Variants in DCC observed in about 807,000 individuals in gnomAD.
The protein encoded by DCC is DCC netrin 1 receptor, also known as netrin receptor DCC.
In DCC, 58 loss-of-function variants were observed where a neutral mutation model predicts 172.5. The ratio of observed to expected loss-of-function variants is 0.34; its 90% CI spans 0.27 to 0.42. DCC has a LOEUF of 0.42. Ranked by LOEUF, DCC falls within the 10% of genes least tolerant of loss-of-function variation. The pLI, the probability that DCC is intolerant of heterozygous loss-of-function variation, is 1.00. For synonymous variants in DCC, 709 were observed against 644.5 expected (o/e 1.10, Z -1.52); for missense variants, 1,740 against 1,791.0 (o/e 0.97, Z 0.51).
chr18:52,661,640 C>T (rs1168053278), intron 1 of DCC, among the ~76,000 whole-genome samples: 4 of 152,164 alleles, frequency 2.6e-5, no homozygotes, highest in Non-Finnish European at 4.4e-5. Flanking sequence ...AGAGGGAAAC[C>T]CAGCCCCACT....
At chr18:52,647,470 G>A (rs936007107) in intron 1 of DCC, among the ~76,000 whole-genome samples, 1 of 152,172 alleles carries the variant, frequency 6.6e-6, no homozygotes, top group African/African-American at 2.4e-5. Context: ...GCAAGTTCAG[G>A]TTTTGCAGGC....
intron 5 of DCC, among the ~76,000 whole-genome samples, chr18:52,940,597 C>T (rs1238688596): frequency 1.3e-5 from 2 of 152,004 alleles, no homozygotes; most frequent in Non-Finnish European, 2.9e-5. Flanking sequence ...GCTGGGGAGA[C>T]AAGAATATTT....
chr18:52,831,206 A>AAG (rs773468558), intron 2 of DCC, among the ~76,000 whole-genome samples: 2 of 152,174 alleles, frequency 1.3e-5, no homozygotes, highest in Non-Finnish European at 2.9e-5. Flanking sequence ...AAAGCATAGC[A>AAG]AGATGATCAG....
chr18:53,350,535 T>C lies in DCC; in HGVS notation c.2359+10628T>C, dbSNP rs151174216. Among the ~76,000 whole-genome samples, 268 of 152,230 alleles carry C rather than the reference T, an allele frequency of 1.8e-3. 1 individual carries two copies. The highest frequency in any genetic ancestry group is 6.0e-3 in the African/African-American group (250 of 41,554). The stretch of plus-strand genomic sequence containing the variant: ...AAAAGTAAATAAATATGGAATTAAG[T>C]GGAACTCTTAATCTGAGTGTAGATC... On this transcript the variant is annotated intron_variant, in intron 15 of 28. Transcript: ENST00000442544.
chr18:52,844,864 T>C (rs2038860768), intron 2 of DCC, among the ~76,000 whole-genome samples: 1 of 152,180 alleles, frequency 6.6e-6, no homozygotes, highest in African/African-American at 2.4e-5. Context: ...ATCAAAAGTC[T>C]CTGGACAAGA....
chr18:53,139,508 TTTG>T (rs1183865027), intron 7 of DCC, among the ~76,000 whole-genome samples: 1 of 152,320 alleles, frequency 6.6e-6, no homozygotes, highest in African/African-American at 2.4e-5. Context: ...GATTTTTTTC[TTTG>T]TTGTTGTTGT....
chr18:52,532,584 C>T (rs913396993), intron 1 of DCC, among the ~76,000 whole-genome samples: 19 of 152,242 alleles, frequency 1.2e-4, no homozygotes, highest in South Asian at 1.0e-3. Flanking sequence ...AGCTGAGAAA[C>T]GTGCATCACC....
At chr18:53,461,314 T>C (rs2045556941) in intron 24 of DCC, among the ~76,000 whole-genome samples, 1 of 151,730 alleles carries the variant, frequency 6.6e-6, no homozygotes, top group African/African-American at 2.4e-5. Flanking sequence ...TTTTGTCTTT[T>C]GTTGCCATTG....
chr18:52,798,102 C>G (rs2037912704), intron 2 of DCC, among the ~76,000 whole-genome samples: 1 of 138,440 alleles, frequency 7.2e-6, no homozygotes, highest in South Asian at 2.8e-4. Flanking sequence ...GCAGCTTCTT[C>G]CTCTGGTACC....
intron 5 of DCC, among the ~76,000 whole-genome samples, chr18:52,938,455 T>G (rs143017552): frequency 4.6e-5 from 7 of 152,122 alleles, no homozygotes. Flanking sequence ...TCTAGAAATA[T>G]ACACTATTAT....
Position 53,257,266 on chromosome 18 carries a change from A to G in DCC, c.1911+41669A>G, listed in dbSNP as rs530803136. ...AACACTATGTTGAATAGGAGTGGTG[A>G]GAGAGGGCATCCGTGTCTTGTGCCA... On this transcript the variant is annotated intron_variant, in intron 12 of 28. Transcript: ENST00000442544. 1.3e-3 allele frequency among the ~76,000 whole-genome samples: 194 copies of G among 152,292 alleles called. 1 individual carries two copies. Among genetic ancestry groups the G allele is most frequent in the African/African-American group, 4.1e-3 (172 of 41,566 alleles).
At chr18:52,598,683 G>GA (rs1301268236) in intron 1 of DCC, among the ~76,000 whole-genome samples, 1 of 152,154 alleles carries the variant, frequency 6.6e-6, no homozygotes, top group Non-Finnish European at 1.5e-5. Context: ...GTAGTCAAAT[G>GA]AAAATTTGCA....
At chr18:53,354,097 C>A (rs986050072) in intron 15 of DCC, among the ~76,000 whole-genome samples, 6 of 152,120 alleles carry the variant, frequency 3.9e-5, no homozygotes, top group African/African-American at 1.2e-4. Flanking sequence ...TGAACTCACC[C>A]TTTTTTATGG....
At chr18:53,320,361 C>T (rs183703391) in intron 13 of DCC, among the ~76,000 whole-genome samples, 7 of 152,208 alleles carry the variant, frequency 4.6e-5, no homozygotes, top group East Asian at 1.9e-4. Context: ...CATGAGCCAC[C>T]GCGCCCGGCC....
chr18:53,376,462 G>A (rs1287279214), intron 15 of DCC, among the ~76,000 whole-genome samples: 1 of 152,140 alleles, frequency 6.6e-6, no homozygotes, highest in Non-Finnish European at 1.5e-5. Flanking sequence ...TTTTCTAAAT[G>A]TGATGATGAA....
intron 2 of DCC, among the ~76,000 whole-genome samples, chr18:52,793,139 A>G (rs1332635876): frequency 6.6e-6 from 1 of 152,190 alleles, no homozygotes; most frequent in African/African-American, 2.4e-5. Context: ...GATTGGTTTG[A>G]TCACATATGA....
intron 12 of DCC, among the ~76,000 whole-genome samples, chr18:53,245,146 C>A (rs1352130804): frequency 6.6e-6 from 1 of 152,020 alleles, no homozygotes; most frequent in African/African-American, 2.4e-5. Flanking sequence ...ACCTAATTCA[C>A]CCCCTATATT....
At chr18:53,374,771 T>G (rs938324512) in intron 15 of DCC, among the ~76,000 whole-genome samples, 23 of 152,112 alleles carry the variant, frequency 1.5e-4, no homozygotes, top group African/African-American at 5.6e-4. Context: ...TAAAAGATAG[T>G]CACCATGACA....
intron 5 of DCC, among the ~76,000 whole-genome samples, chr18:52,971,967 T>C (rs1357293124): frequency 6.6e-6 from 1 of 152,140 alleles, no homozygotes; most frequent in African/African-American, 2.4e-5. Context: ...GAACACCACT[T>C]CCCCTCTGTC....
Sources: allele counts gnomAD v4.1 joint callset (sites outside exome capture counted in the v4.1 genomes callset), GRCh38; gene constraint gnomAD v4.1.1; transcripts MANE v1.5; gene names NCBI Gene and HGNC (gene_info 2026-07-23, HGNC 2026-07-21).